The following DSTYK variants were observed in gnomAD, a reference collection of about 807,000 sequenced individuals.
DSTYK encodes the protein dual serine/threonine and tyrosine protein kinase.
A neutral mutation model predicts 98.7 loss-of-function variants in DSTYK; 34 were observed. That is an observed-to-expected ratio of 0.34 (90% CI 0.26 to 0.46). The LOEUF is 0.46. DSTYK is among the 20% of genes least tolerant of loss of function. The pLI is 1.00. For synonymous variants in DSTYK, 462 were observed against 457.3 expected (o/e 1.01, Z -0.13); for missense variants, 962 against 1,181.7 (o/e 0.81, Z 2.73).
intron 2 of DSTYK, among the ~76,000 whole-genome samples, chr1:205,182,154 A>G (rs1460934819): frequency 6.6e-6 from 1 of 151,990 alleles, no homozygotes; most frequent in Non-Finnish European, 1.5e-5. Flanking sequence ...TAATCCCAGC[A>G]CTTTGGGAGG....
At chr1:205,166,325 C>T (rs928606505) in intron 3 of DSTYK, among the ~76,000 whole-genome samples, 2 of 152,048 alleles carry the variant, frequency 1.3e-5, no homozygotes, top group Non-Finnish European at 2.9e-5. Flanking sequence ...AGCACATATG[C>T]ATTGTCTTTA....
At chr1:205,156,001 G>A (rs1256899820) in intron 10 of DSTYK, among the ~76,000 whole-genome samples, 1 of 152,270 alleles carries the variant, frequency 6.6e-6, no homozygotes, top group African/African-American at 2.4e-5. Flanking sequence ...GAGGGTGCAA[G>A]CCCCAAATCT....
rs1428967475 is a variant in DSTYK at position 205,211,564 on chromosome 1, C to T, written c.-29G>A. ...CTCTGCCCGCTCTGTCTTTGCGGCT[C>T]GGTCCCCGGCCGCAGGCCCGGCCTC... On this transcript the variant is annotated 5_prime_UTR_variant, in exon 1 of 13. Coordinates refer to ENST00000367162, the MANE Select transcript of DSTYK (RefSeq NM_015375.3). 4 of 1,427,048 alleles carry T rather than the reference C, an allele frequency of 2.8e-6. No individual in the cohort carries two copies. Among genetic ancestry groups the T allele is most frequent in the East Asian group, 2.8e-5 (1 of 35,486 alleles). The allele number at this position is 1,427,048 out of a possible 1,614,324, so 88.4% of individuals were successfully genotyped here.
At chr1:205,170,116 T>C (rs1350720434) in intron 2 of DSTYK, among the ~76,000 whole-genome samples, 1 of 152,194 alleles carries the variant, frequency 6.6e-6, no homozygotes, top group Non-Finnish European at 1.5e-5. Context: ...CTTCCTTTAT[T>C]GCTTAGACAT....
intron 2 of DSTYK, among the ~76,000 whole-genome samples, chr1:205,174,042 G>T (rs1658149778): frequency 6.6e-6 from 1 of 151,918 alleles, no homozygotes; most frequent in South Asian, 2.1e-4. Context: ...TAAGAGACCA[G>T]CTGACTTTAT....
rs188214877 is a variant in DSTYK at position 205,165,384 on chromosome 1, G to A, written c.1325-1429C>T. Among the ~76,000 whole-genome samples, 166 of 152,146 alleles carry A rather than the reference G, an allele frequency of 1.1e-3. 1 individual carries two copies. Among genetic ancestry groups the A allele is most frequent in the African/African-American group, 3.8e-3 (156 of 41,512 alleles). Reference sequence around the variant, plus strand: ...GAGATTACAGGCATGAGCCATTGCCGCCGGCCAGGAATTTTATTCTAATCA... The same window carrying A: ...GAGATTACAGGCATGAGCCATTGCCACCGGCCAGGAATTTTATTCTAATCA... On this transcript the variant is annotated intron_variant, in intron 3 of 12. Transcript: ENST00000367162.
intron 3 of DSTYK, among the ~76,000 whole-genome samples, chr1:205,166,009 A>T (rs1657877716): frequency 6.6e-6 from 1 of 150,918 alleles, no homozygotes; most frequent in Non-Finnish European, 1.5e-5. Context: ...GCGACAGAAC[A>T]AGATCCTGTC....
At chr1:205,198,005 C>A (rs575025822) in intron 1 of DSTYK, among the ~76,000 whole-genome samples, 7 of 152,186 alleles carry the variant, frequency 4.6e-5, no homozygotes, top group African/African-American at 1.4e-4. Context: ...ACCAGCCTGA[C>A]CATCATGGAG....
intron 1 of DSTYK, among the ~76,000 whole-genome samples, chr1:205,210,403 G>A (rs7517819): frequency 0.079 from 11,837 of 149,242 alleles, 811 homozygotes; most frequent in African/African-American, 0.17. Flanking sequence ...ATCTATCTAC[G>A]TGGAATGTCA....
intron 1 of DSTYK, among the ~76,000 whole-genome samples, chr1:205,198,894 C>T (rs879427779): frequency 2.7e-5 from 4 of 149,974 alleles, no homozygotes; most frequent in Non-Finnish European, 5.9e-5. Flanking sequence ...TGTGGTGGCG[C>T]GATCTCGACT....
intron 1 of DSTYK, among the ~76,000 whole-genome samples, chr1:205,190,547 C>A (rs1379794111): frequency 7.4e-6 from 1 of 134,538 alleles, no homozygotes; most frequent in Non-Finnish European, 1.5e-5. Flanking sequence ...ACCCGGGAAG[C>A]GGAGGTTGCA....
intron 2 of DSTYK, among the ~76,000 whole-genome samples, chr1:205,181,419 A>G (rs977012758): frequency 4.6e-5 from 7 of 152,086 alleles, no homozygotes; most frequent in Non-Finnish European, 7.4e-5. Context: ...CAGTGGCATG[A>G]TCTCGGCTCA....
intron 1 of DSTYK, among the ~76,000 whole-genome samples, chr1:205,201,198 A>G (rs1479613081): frequency 7.2e-5 from 11 of 152,034 alleles, no homozygotes; most frequent in Admixed American, 7.2e-4. Context: ...AGCCACCATG[A>G]TGGCCCAGTT....
Position 205,148,275 on chromosome 1 carries a change from G to A in DSTYK, c.2532C>T (p.Gly844=), listed in dbSNP as rs1447328798. 1.2e-6 allele frequency: 2 copies of A among 1,614,010 alleles called. No individual in the cohort carries two copies. Among genetic ancestry groups the A allele is most frequent in the African/African-American group, 2.7e-5 (2 of 74,910 alleles). The change falls in exon 12 of 13, where the codon GGC becomes GGT. Residue 844 remains glycine, a synonymous_variant. Coordinates refer to ENST00000367162, the MANE Select transcript of DSTYK (RefSeq NM_015375.3). The stretch of plus-strand genomic sequence containing the variant: ...CAAATGCCTCAGGGAGCTTGACAGA[G>A]CCTGAGCAGATATACCAGAAAAGAA... ...FGILFWYICS[G]SVKLPEAFER...
chr1:205,177,043 A>C (rs1426763766), intron 2 of DSTYK, among the ~76,000 whole-genome samples: 2 of 151,634 alleles, frequency 1.3e-5, no homozygotes, highest in Non-Finnish European at 2.9e-5. Context: ...CCATCTCTAC[A>C]AAAAATAAAA....
chr1:205,163,724 TGTTTGAGA>T lies in DSTYK; in HGVS notation c.1548_1555del (p.Tyr516Ter). ...TCTTAAAAATCATTCTTTGTCTACCTGTTTGAGATAATTACTGGTGATGTGAACTGAGA... is the reference window on the plus strand; with the variant it reads ...TCTTAAAAATCATTCTTTGTCTACCTTAATTACTGGTGATGTGAACTGAGA... On this transcript the variant is annotated stop_gained and frameshift_variant and splice_region_variant, in exon 4 of 13. Coordinates refer to ENST00000367162, the MANE Select transcript of DSTYK (RefSeq NM_015375.3). LOFTEE classifies it high-confidence loss of function. The T allele has an allele frequency of 6.2e-7, 1 of 1,612,084 alleles. No individual in the cohort carries two copies. The highest frequency in any genetic ancestry group is 8.5e-7 in the Non-Finnish European group (1 of 1,178,482).
At chr1:205,161,413 T>C (rs772844539) in intron 6 of DSTYK, 26 bp from the exon 7 acceptor site, 27 of 1,613,428 alleles carry the variant, frequency 1.7e-5, no homozygotes, top group Admixed American at 5.0e-5. Context: ...AAAAAGTACA[T>C]ATGACTTAAG....
At chr1:205,161,942 ATAT>A (rs1657735315) in intron 6 of DSTYK, 91 bp downstream of exon 6, 1 of 1,236,754 alleles carries the variant, frequency 8.1e-7, no homozygotes, top group South Asian at 1.5e-5. Flanking sequence ...ACACACACAC[ATAT>A]TATATATGAA....
At chr1:205,151,962 A>G (rs1247870471) in intron 10 of DSTYK, among the ~76,000 whole-genome samples, 1 of 152,136 alleles carries the variant, frequency 6.6e-6, no homozygotes, top group African/African-American at 2.4e-5. Flanking sequence ...GAGTATCTAA[A>G]AGGTATGAAA....
Sources: allele counts gnomAD v4.1 joint callset (sites outside exome capture counted in the v4.1 genomes callset), GRCh38; gene constraint gnomAD v4.1.1; transcripts MANE v1.5; gene names NCBI Gene and HGNC (gene_info 2026-07-23, HGNC 2026-07-21).